The following LILRB4 variants were observed in gnomAD, a reference collection of about 807,000 sequenced individuals.
LILRB4 encodes leukocyte immunoglobulin like receptor B4, also known as leukocyte immunoglobulin-like receptor subfamily B member 4.
LILRB4 carries 49 observed loss-of-function variants against 55.2 expected under a neutral mutation model. That is an observed-to-expected ratio of 0.89 (90% CI 0.71 to 1.13). LILRB4 has a LOEUF of 1.13. Among genes scored for constraint, LILRB4 ranks in the 50% most tolerant of loss-of-function variants. LILRB4 has a pLI of 0.00. For synonymous variants in LILRB4, 229 were observed against 213.8 expected, an observed-to-expected ratio of 1.07 and a Z score of -0.62; for missense variants, 590 against 555.2, an observed-to-expected ratio of 1.06 and a Z score of -0.63.
chr19:54,668,423 A>C (rs2065392030), downstream of LILRB4: 1 of 178,956 alleles, frequency 5.6e-6, no homozygotes, highest in African/African-American at 2.4e-5. Context: ...AATCTTGGCC[A>C]CAATGAGAAA....
Position 54,666,765 on chromosome 19 carries a change from T to A in LILRB4, c.1041+16T>A, listed in dbSNP as rs779098839. 3 of 1,612,910 alleles carry A rather than the reference T, an allele frequency of 1.9e-6. No individual in the cohort carries two copies. Among genetic ancestry groups the A allele is most frequent in the East Asian group, 4.5e-5 (2 of 44,878 alleles). On this transcript the variant is annotated intron_variant, in intron 10 of 11. Transcript: ENST00000430952. The surrounding 1 kb of genome is among the most constrained non-coding windows in gnomAD (Gnocchi z 4.8). The stretch of plus-strand genomic sequence containing the variant: ...GGACACTCGGGTGAGAACCCGCCCC[T>A]GTCCCCGGCACCAAAGGCCTCCTGG...
rs1323320164 is a variant in LILRB4 at position 54,666,020 on chromosome 19, A to G, written c.874+89A>G. ...GACTCCAGATAGGAGAGGTCATCTT[A>G]GAAACTCTGCTCCAGAAATTCCCAG... On this transcript the variant is annotated intron_variant, in intron 7 of 11. Coordinates refer to ENST00000430952, the Ensembl canonical transcript of LILRB4. The surrounding 1 kb of genome is among the most constrained non-coding windows in gnomAD (Gnocchi z 4.8). 1 of 1,516,610 alleles carries G rather than the reference A, an allele frequency of 6.6e-7. No homozygotes were observed. Among genetic ancestry groups the G allele is most frequent in the Admixed American group, 2.0e-5 (1 of 50,038 alleles). The allele number at this position is 1,516,610 out of a possible 1,614,324, so 93.9% of individuals were successfully genotyped here. A position where few individuals can be genotyped will look rare whatever the true frequency, so the allele number is the denominator to read the frequency against.
At chr19:54,664,986 G>C in intron 5 of LILRB4, 137 bp downstream of exon 5, 2 of 1,352,934 alleles carry the variant, frequency 1.5e-6, no homozygotes, top group Non-Finnish European at 2.1e-6. Context: ...GCAGCGACTT[G>C]GGAGGCACCA....
At position 54,665,601 on chromosome 19, in the gene LILRB4, T is replaced by C. The variant is rs996417892; in HGVS notation, c.758-214T>C. On this transcript the variant is annotated intron_variant, in intron 6 of 11. Coordinates refer to ENST00000430952, the Ensembl canonical transcript of LILRB4. This position sits in a 1 kb window ranked among gnomAD's most constrained non-coding sequence, Gnocchi z 5.5. ...TTTCCTTCCCAGCTCTGCCGCTTCC[T>C]GGCTGGAGGGGTCTGGGGCAGGCGA... Among the ~76,000 whole-genome samples the C allele has an allele frequency of 6.6e-6, 1 of 152,156 alleles. No homozygotes were observed. Among genetic ancestry groups the C allele is most frequent in the Non-Finnish European group, 1.5e-5 (1 of 68,028 alleles).
rs2065274192 is a variant in LILRB4, at chr19:54,666,568, G to A, written c.989-129G>A. ...AGAAGTGGTCTGAACCCACATTGTG[G>A]GACCTCGGGGACATCACAGCCCCTC... On this transcript the variant is annotated intron_variant, in intron 9 of 11. Coordinates refer to ENST00000430952, the Ensembl canonical transcript of LILRB4. This position sits in a 1 kb window ranked among gnomAD's most constrained non-coding sequence, Gnocchi z 4.8. The A allele has an allele frequency of 7.1e-7, 1 of 1,413,436 alleles. No homozygotes were observed. Among genetic ancestry groups the A allele is most frequent in the Admixed American group, 1.8e-5 (1 of 56,624 alleles). 87.6% of individuals were successfully genotyped at this position (1,413,436 alleles called of 1,614,324 possible).
At chr19:54,667,785 G>T (rs759131062) in exon 11 of LILRB4, 52 of 1,609,980 alleles carry the variant, frequency 3.2e-5, no homozygotes, top group Admixed American at 6.7e-5. Context: ...CAGACAGATG[G>T]ACACTGAGGT....
Position 54,665,938 on chromosome 19 carries a change from A to G in LILRB4, c.874+7A>G, listed in dbSNP as rs370025145. ...GGAAAACACAGGACATTGGGTAAGTAGGAAATTGGGGGACCCGTGGGCTGA... is the reference window on the plus strand; with the variant it reads ...GGAAAACACAGGACATTGGGTAAGTGGGAAATTGGGGGACCCGTGGGCTGA... On this transcript the variant is annotated splice_region_variant and intron_variant, in intron 7 of 11. Transcript: ENST00000430952. The surrounding 1 kb of genome is among the most constrained non-coding windows in gnomAD (Gnocchi z 5.5). The G allele has an allele frequency of 1.9e-6, 3 of 1,613,948 alleles. No homozygotes were observed. The Admixed American group carries it at 5.0e-5, about 27-fold the overall frequency.
chr19:54,665,691 G>A lies in LILRB4; in HGVS notation c.758-124G>A, dbSNP rs1199966840. 1 of 1,189,770 alleles carries A rather than the reference G, an allele frequency of 8.4e-7. No homozygotes were observed. Among genetic ancestry groups the A allele is most frequent in the African/African-American group, 1.5e-5 (1 of 65,900 alleles). 73.7% of individuals were successfully genotyped at this position (1,189,770 alleles called of 1,614,324 possible). A position where few individuals can be genotyped will look rare whatever the true frequency, so the allele number is the denominator to read the frequency against. On this transcript the variant is annotated intron_variant, in intron 6 of 11. Coordinates refer to ENST00000430952, the Ensembl canonical transcript of LILRB4. The surrounding 1 kb of genome is among the most constrained non-coding windows in gnomAD (Gnocchi z 5.5). ...GGTGGAGAGAGGGTGGCAATCTCAG[G>A]TTGCACAACTGCTGTGAGGGTTGGA...
intron 5 of LILRB4, 96 bp downstream of exon 5, chr19:54,664,945 C>G (rs1478993210): frequency 4.3e-6 from 6 of 1,408,884 alleles, no homozygotes; most frequent in Non-Finnish European, 6.0e-6. Context: ...CAATTCTCAG[C>G]TGGGCTTGCT....
exon 4 of LILRB4, chr19:54,664,272 A>G (rs138433372): frequency 3.7e-6 from 6 of 1,613,994 alleles, no homozygotes; most frequent in Non-Finnish European, 4.2e-6. Context: ...TCAGTCACGG[A>G]GCCCAATGGA....
intron 1 of LILRB4, 88 bp from the exon 2 acceptor site, chr19:54,663,443 CA>C (rs61542200): frequency 0.078 from 72,865 of 934,544 alleles, 6 homozygotes; most frequent in East Asian, 0.13. Flanking sequence ...GACTCCGTCT[CA>C]AAAAAAAAAA....
At chr19:54,663,899 G>A (rs201937057) in exon 3 of LILRB4, 1 of 1,614,108 alleles carries the variant, frequency 6.2e-7, no homozygotes, top group African/African-American at 1.3e-5. Flanking sequence ...GGGACAGACA[G>A]AACCCACTGG....
rs1308802484 is a variant in LILRB4, at chr19:54,666,345, A to G, written c.950+30A>G. 1.9e-6 allele frequency: 3 copies of G among 1,610,074 alleles called. No homozygotes were observed. The highest frequency in any genetic ancestry group is 1.3e-5 in the African/African-American group (1 of 74,750). On this transcript the variant is annotated intron_variant, in intron 8 of 11. Coordinates refer to ENST00000430952, the Ensembl canonical transcript of LILRB4. This position sits in a 1 kb window ranked among gnomAD's most constrained non-coding sequence, Gnocchi z 4.8. ...TTCTGCCCAAAGACCTCAGACTCCC[A>G]CCCATCCCAACAGCCACCTCACTGT...
chr19:54,664,675 G>T, intron 4 of LILRB4, 124 bp from the exon 5 acceptor site: 1 of 998,664 alleles, frequency 1.0e-6, no homozygotes, highest in Non-Finnish European at 1.5e-6. Flanking sequence ...GGTCCAGAAG[G>T]TGCCAGGTGG....
rs1291299307 is a variant in LILRB4, at chr19:54,666,713, C to T, written c.1005C>T (p.Asn335=). Residue 335 remains asparagine (N), a synonymous_variant, in exon 10 of 12, where the codon AAC becomes AAT. Coordinates refer to ENST00000430952, the Ensembl canonical transcript of LILRB4. The surrounding 1 kb of genome is among the most constrained non-coding windows in gnomAD (Gnocchi z 4.8). ...CCCCAGCAGGTGCTGCCGTGAAGAA[C>T]ACACAGCCTGAGGACGGGGTGGAAA... is the stretch of plus-strand genomic sequence containing the variant. 6.2e-7 allele frequency: 1 copy of T among 1,614,200 alleles called. No individual in the cohort carries two copies. Among genetic ancestry groups the T allele is most frequent in the South Asian group, 1.1e-5 (1 of 91,084 alleles).
Position 54,665,158 on chromosome 19 carries a change from T to C in LILRB4, c.735T>C (p.Pro245=), listed in dbSNP as rs2065209649. ...GCCCTGAGGACCAGCCCCTCATGCCTACAGGGTCAGTCCCCCACAGTGGTG... is the reference window on the plus strand; with the variant it reads ...GCCCTGAGGACCAGCCCCTCATGCCCACAGGGTCAGTCCCCCACAGTGGTG... The change falls in exon 6 of 12, where the codon CCT becomes CCC. Residue 245 remains proline, a synonymous_variant. Transcript: ENST00000430952. The surrounding 1 kb of genome is among the most constrained non-coding windows in gnomAD (Gnocchi z 5.5). The C allele has an allele frequency of 1.2e-6, 2 of 1,604,280 alleles. No homozygotes were observed. Among genetic ancestry groups the C allele is most frequent in the Non-Finnish European group, 1.7e-6 (2 of 1,174,802 alleles).
chr19:54,665,853 G>C lies in LILRB4; in HGVS notation c.796G>C (p.Val266Leu). Residue 266 changes from valine (V) to leucine (L), a missense_variant, in exon 7 of 12, where the codon GTG becomes CTG. Physicochemically the swap from Val to Leu is conservative, Grantham distance 32 (BLOSUM62 1). Coordinates refer to ENST00000430952, the Ensembl canonical transcript of LILRB4. This position sits in a 1 kb window ranked among gnomAD's most constrained non-coding sequence, Gnocchi z 5.5. ...CTGGGAGGTACTGATCGGGGTCTTGGTGGTCTCCATCCTGCTTCTCTCCCT... is the reference window on the plus strand; with the variant it reads ...CTGGGAGGTACTGATCGGGGTCTTGCTGGTCTCCATCCTGCTTCTCTCCCT... 1 of 1,613,366 alleles carries C rather than the reference G, an allele frequency of 6.2e-7. No individual in the cohort carries two copies. The highest frequency in any genetic ancestry group is 8.5e-7 in the Non-Finnish European group (1 of 1,179,698).
intron 11 of LILRB4, 31 bp from the exon 12 acceptor site, chr19:54,667,842 G>A (rs11574594): frequency 1.2e-4 from 155 of 1,344,088 alleles, no homozygotes; most frequent in East Asian, 5.2e-4. Context: ...CCCCCACCAC[G>A]TTCCTTCCCT....
intron 10 of LILRB4, chr19:54,667,416 G>A (rs894888513): frequency 3.1e-6 from 3 of 977,756 alleles, no homozygotes; most frequent in African/African-American, 3.4e-5. Context: ...GCTCTTGCAG[G>A]AAGGCCGCGT....
Sources: allele counts gnomAD v4.1 joint callset (sites outside exome capture counted in the v4.1 genomes callset), GRCh38; gene constraint gnomAD v4.1.1; non-coding constraint Gnocchi (gnomAD v3.1); transcripts MANE v1.5; gene names NCBI Gene and HGNC (gene_info 2026-07-23, HGNC 2026-07-21).